The following TUBGCP2 variants were observed in gnomAD, a reference collection of about 807,000 sequenced individuals.
TUBGCP2 encodes gamma-tubulin complex component 2.
TUBGCP2 carries 55 observed loss-of-function variants against 92.2 expected under a neutral mutation model. The ratio of observed to expected loss-of-function variants is 0.60; its 90% confidence interval spans 0.48 to 0.75. The LOEUF is 0.75. TUBGCP2 is among the 30% of genes least tolerant of loss of function. The pLI is 0.00. For synonymous variants in TUBGCP2, 533 were observed against 505.2 expected (o/e 1.06, Z -0.74); for missense variants, 1,093 against 1,188.9 (o/e 0.92, Z 1.19).
At position 133,299,608 on chromosome 10, in the gene TUBGCP2, A is replaced by G; in HGVS notation, c.280-5T>C. 6.3e-7 allele frequency: 1 copy of G among 1,594,452 alleles called. No individual in the cohort carries two copies. The highest frequency in any genetic ancestry group is 8.6e-7 in the Non-Finnish European group (1 of 1,166,466). On this transcript the variant is annotated splice_polypyrimidine_tract_variant and splice_region_variant and intron_variant, in intron 3 of 17. Transcript: ENST00000252936. The stretch of plus-strand genomic sequence containing the variant: ...CTGTTGTAAGTACTGCAGAGTCTGA[A>G]AACATGTAAAACTGTGTGTTCACAC...
chr10:133,311,361 C>T (rs976339709), upstream of TUBGCP2, among the ~76,000 whole-genome samples: 17 of 152,120 alleles, frequency 1.1e-4, no homozygotes, highest in Non-Finnish European at 2.1e-4. Flanking sequence ...TTAAGACATT[C>T]GTATTATGGA....
intron 8 of TUBGCP2, among the ~76,000 whole-genome samples, chr10:133,291,268 C>CCCATGTCCCT (rs1364785219): frequency 2.1e-5 from 1 of 48,522 alleles, no homozygotes; most frequent in Non-Finnish European, 3.3e-5. Context: ...CTCCGTGTCC[C>CCCATGTCCCT]CCATGTCCCT....
chr10:133,287,671 G>A (rs1283923669), intron 11 of TUBGCP2, among the ~76,000 whole-genome samples: 2 of 151,844 alleles, frequency 1.3e-5, no homozygotes, highest in Non-Finnish European at 1.5e-5. Context: ...AACCCAGGAG[G>A]TGGAGGCTGC....
Position 133,300,077 on chromosome 10 carries a change from A to G in TUBGCP2, c.187T>C (p.Phe63Leu). The stretch of plus-strand genomic sequence containing the variant: ...TTCAGTTCATCATATTTCTTTAGAA[A>G]GTCTTCTGGAGTACGAGAAAACTCT... ...IAEFSRTPED[F>L]LKKYDELKSK... The change falls in exon 3 of 18, where the codon TTT becomes CTT. Residue 63 changes from phenylalanine to leucine, a missense_variant. By Grantham distance (22) the Phe-to-Leu change is conservative. Around this residue, in one of 3 missense-constraint regions of TUBGCP2, gnomAD observed 490 missense variants for 488.5 expected, o/e 1.00. Coordinates refer to ENST00000252936, the MANE Select transcript of TUBGCP2 (RefSeq NM_006659.4). 3 of 1,614,118 alleles carry G rather than the reference A, an allele frequency of 1.9e-6. No individual in the cohort carries two copies. The highest frequency in any genetic ancestry group is 2.5e-6 in the Non-Finnish European group (3 of 1,179,972).
chr10:133,303,185 C>A (rs1452126571), intron 1 of TUBGCP2, among the ~76,000 whole-genome samples: 1 of 151,952 alleles, frequency 6.6e-6, no homozygotes, highest in Non-Finnish European at 1.5e-5. Context: ...CTGCCCAACA[C>A]CCCAGCAGCC....
intron 16 of TUBGCP2, 88 bp downstream of exon 16, chr10:133,282,132 GGGA>G: frequency 1.9e-6 from 3 of 1,579,402 alleles, no homozygotes; most frequent in Non-Finnish European, 2.6e-6. Context: ...AGTAAAAGGG[GGGA>G]GGTTTGTTCT....
chr10:133,287,363 CTT>C (rs1188288487), intron 11 of TUBGCP2, among the ~76,000 whole-genome samples: 3 of 152,222 alleles, frequency 2.0e-5, no homozygotes, highest in Non-Finnish European at 4.4e-5. Context: ...TGAAGGATCG[CTT>C]GAGCCCAGGG....
At chr10:133,288,039 G>A (rs1847176929) in intron 11 of TUBGCP2, 90 bp downstream of exon 11, 3 of 1,468,394 alleles carry the variant, frequency 2.0e-6, no homozygotes, top group Non-Finnish European at 2.7e-6. Flanking sequence ...GGGACGGGGA[G>A]TGGGGGACAG....
chr10:133,291,926 CCCCCATGTCCCTCCGTGTCCCTCCGTGT>C lies in TUBGCP2; in HGVS notation c.1214+545_1214+572del, dbSNP rs1847333326. Among the ~76,000 whole-genome samples, 2 of 35,458 alleles carry C rather than the reference CCCCCATGTCCCTCCGTGTCCCTCCGTGT, an allele frequency of 5.6e-5. 1 individual carries two copies. Among genetic ancestry groups the C allele is most frequent in the African/African-American group, 2.1e-4 (2 of 9,512 alleles). 23.3% of individuals were successfully genotyped at this position (35,458 alleles called of 152,430 possible). On this transcript the variant is annotated intron_variant, in intron 8 of 17. Transcript: ENST00000252936. Reference sequence around the variant, plus strand: ...CCGTGTCCCCCATGTCCCTCCGTGTCCCCCATGTCCCTCCGTGTCCCTCCGTGTCCCCGTGTCCCGGGGAGCCCTACCT... The same window carrying C: ...CCGTGTCCCCCATGTCCCTCCGTGTCCCCCGTGTCCCGGGGAGCCCTACCT...
intron 15 of TUBGCP2, 139 bp from the exon 16 acceptor site, chr10:133,282,481 G>A: frequency 1.6e-6 from 2 of 1,222,844 alleles, no homozygotes; most frequent in East Asian, 2.8e-5. Flanking sequence ...CATCTCTGAG[G>A]CTGCAGGGGA....
intron 2 of TUBGCP2, 135 bp downstream of exon 2, chr10:133,302,657 T>C (rs1673424086): frequency 9.1e-7 from 1 of 1,095,744 alleles, no homozygotes; most frequent in South Asian, 1.5e-5. Flanking sequence ...CCAGGAATGG[T>C]GCTCACCCTG....
chr10:133,289,280 G>A (rs1415724401), intron 9 of TUBGCP2, among the ~76,000 whole-genome samples: 4 of 152,228 alleles, frequency 2.6e-5, no homozygotes, highest in African/African-American at 7.2e-5. Context: ...GGGCTTTGCC[G>A]TGGCTCTGCA....
chr10:133,309,571 C>A, upstream of TUBGCP2: 1 of 1,367,306 alleles, frequency 7.3e-7, no homozygotes, highest in Non-Finnish European at 1.0e-6. Context: ...GCCGCCCCAC[C>A]GAGGCGCTGT....
chr10:133,310,504 C>G (rs1322989910), upstream of TUBGCP2: 4 of 601,702 alleles, frequency 6.6e-6, no homozygotes, highest in Admixed American at 9.1e-5. Flanking sequence ...CCCCTGGCTG[C>G]CCAGCTCTGT....
At chr10:133,309,463 G>C (rs533270851), upstream of TUBGCP2, 6 of 1,612,080 alleles carry the variant, frequency 3.7e-6, no homozygotes, top group African/African-American at 8.0e-5. Context: ...GAGAAGCCCA[G>C]GTAAGCGAAT....
intron 11 of TUBGCP2, among the ~76,000 whole-genome samples, chr10:133,287,804 C>G (rs758307260): frequency 1.5e-4 from 23 of 152,250 alleles, no homozygotes; most frequent in South Asian, 8.3e-4. Flanking sequence ...AACACCACTC[C>G]TGAAACCCTT....
intron 8 of TUBGCP2, chr10:133,290,216 C>T (rs146699504): frequency 0.012 from 5,814 of 479,972 alleles, 71 homozygotes; most frequent in African/African-American, 0.029. Flanking sequence ...ACCTAGGGGC[C>T]GGGCACAGTG....
intron 1 of TUBGCP2, among the ~76,000 whole-genome samples, chr10:133,303,206 T>C (rs1222096272): frequency 6.7e-6 from 1 of 150,052 alleles, no homozygotes; most frequent in East Asian, 1.9e-4. Flanking sequence ...TCTCAGAGGG[T>C]CCTCTGGACG....
At chr10:133,303,614 C>T (rs1369685206) in intron 1 of TUBGCP2, among the ~76,000 whole-genome samples, 2 of 152,248 alleles carry the variant, frequency 1.3e-5, no homozygotes, top group South Asian at 2.1e-4. Context: ...ACAGTAACAT[C>T]CCAGCTTCTA....
Sources: allele counts gnomAD v4.1 joint callset (sites outside exome capture counted in the v4.1 genomes callset), GRCh38; gene constraint gnomAD v4.1.1; regional missense constraint gnomAD v4.1.1; transcripts MANE v1.5; gene names NCBI Gene and HGNC (gene_info 2026-07-23, HGNC 2026-07-21).